The following MALRD1 variants were observed in gnomAD, a reference collection of about 807,000 sequenced individuals.
MALRD1 encodes MAM and LDL-receptor class A domain-containing protein 1.
MALRD1 carries 247 observed loss-of-function variants against 242.1 expected under a neutral mutation model. That is an observed-to-expected ratio of 1.02 (90% CI 0.92 to 1.13). The LOEUF (loss-of-function observed/expected upper bound fraction) is 1.13, where lower values mean the gene tolerates loss of function less well. MALRD1 is among the 50% of genes most tolerant of loss of function. The pLI is 0.00. For synonymous variants in MALRD1, 995 were observed against 866.6 expected (o/e 1.15, Z -2.60); for missense variants, 2,989 against 2,533.1 (o/e 1.18, Z -3.86).
chr10:19,565,692 G>T (rs16919057), intron 32 of MALRD1, among the ~76,000 whole-genome samples: 6,435 of 152,188 alleles, frequency 0.042, 446 homozygotes, highest in African/African-American at 0.15. Context: ...GAGTGCTTAC[G>T]TGTCAGACTG....
chr10:19,226,312 G>A (rs1837798116), intron 18 of MALRD1, among the ~76,000 whole-genome samples: 1 of 151,968 alleles, frequency 6.6e-6, no homozygotes, highest in African/African-American at 2.4e-5. Context: ...AGCAAACTGA[G>A]GATAGAAAAG....
intron 2 of MALRD1, among the ~76,000 whole-genome samples, chr10:19,078,696 T>C (rs1276651653): frequency 6.6e-6 from 1 of 151,904 alleles, no homozygotes; most frequent in Non-Finnish European, 1.5e-5. Flanking sequence ...TTTACTCTCT[T>C]GTTACAATCT....
intron 26 of MALRD1, among the ~76,000 whole-genome samples, chr10:19,362,208 A>G (rs1315073674): frequency 6.6e-6 from 1 of 152,116 alleles, no homozygotes; most frequent in Non-Finnish European, 1.5e-5. Flanking sequence ...AGTGTATCCA[A>G]TTTACTCCTA....
At chr10:19,282,133 A>G (rs1217415420) in intron 20 of MALRD1, among the ~76,000 whole-genome samples, 2 of 152,166 alleles carry the variant, frequency 1.3e-5, no homozygotes, top group Non-Finnish European at 2.9e-5. Flanking sequence ...TTCTATTAAA[A>G]GCCTACAAAT....
chr10:19,597,668 G>A (rs1236042953), intron 34 of MALRD1, among the ~76,000 whole-genome samples: 1 of 152,182 alleles, frequency 6.6e-6, no homozygotes, highest in African/African-American at 2.4e-5. Flanking sequence ...ATATGACACT[G>A]TCAGAGCTCA....
intron 18 of MALRD1, among the ~76,000 whole-genome samples, chr10:19,230,576 G>A (rs1177792162): frequency 6.6e-6 from 1 of 152,138 alleles, no homozygotes; most frequent in African/African-American, 2.4e-5. Context: ...CATTCAGGAG[G>A]CATCTGTCTC....
intron 11 of MALRD1, among the ~76,000 whole-genome samples, chr10:19,153,229 C>A (rs1834005920): frequency 6.6e-6 from 1 of 152,144 alleles, no homozygotes; most frequent in African/African-American, 2.4e-5. Context: ...TATTCGACAT[C>A]ATTTTAATTA....
chr10:19,361,204 G>A (rs1321677021), intron 26 of MALRD1, among the ~76,000 whole-genome samples: 3 of 152,106 alleles, frequency 2.0e-5, no homozygotes, highest in Non-Finnish European at 1.5e-5. Flanking sequence ...TTTTGCCAAT[G>A]GAATGTGAAC....
In MALRD1 at chr10:19,280,163, A is replaced by G. The variant is rs879117681; in HGVS notation, c.3196A>G (p.Lys1066Glu). The change falls in exon 20 of 40, where the codon AAA (lysine) becomes GAA (glutamate). Residue 1066 changes from lysine to glutamate, a missense_variant. By Grantham distance (56) the Lys-to-Glu change is moderately conservative. Transcript: ENST00000454679. ...ICRSDGHCIE[K>E]MQKCDFKYDC... ...CAGGTCTGATGGTCACTGCATTGAA[A>G]AAATGCAGAAATGTGATTTTAAATA... 4 of 1,544,352 alleles carry G rather than the reference A, an allele frequency of 2.6e-6. No individual in the cohort carries two copies. Among genetic ancestry groups the G allele is most frequent in the Non-Finnish European group, 3.5e-6 (4 of 1,144,968 alleles).
In MALRD1 at chr10:19,331,520, A is replaced by C. The variant is rs1465113210; in HGVS notation, c.3839A>C (p.Asp1280Ala). The C allele has an allele frequency of 5.2e-6, 8 of 1,550,224 alleles. No homozygotes were observed. The Admixed American group carries it at 1.2e-4, about 23-fold the overall frequency. The change falls in exon 24 of 40, where the codon GAC becomes GCC. Residue 1280 changes from aspartate to alanine, a missense_variant. By Grantham distance (126) the Asp-to-Ala change is moderately radical (BLOSUM62 -2). Transcript: ENST00000454679. Reference protein sequence around the residue: ...MCANKHCIAKDKLCDFVNDCA... With the variant: ...MCANKHCIAKAKLCDFVNDCA... ...GCTAATAAGCACTGCATTGCCAAAGACAAGCTGTGTGATTTTGTGAATGAT... is the reference window on the plus strand; with the variant it reads ...GCTAATAAGCACTGCATTGCCAAAGCCAAGCTGTGTGATTTTGTGAATGAT...
intron 30 of MALRD1, among the ~76,000 whole-genome samples, chr10:19,493,900 G>A (rs1455426289): frequency 6.6e-6 from 1 of 152,210 alleles, no homozygotes; most frequent in East Asian, 1.9e-4. Flanking sequence ...ACTCTAAAAC[G>A]TGTGAAATCA....
chr10:19,404,993 T>C (rs972911069), intron 28 of MALRD1, among the ~76,000 whole-genome samples: 3 of 152,168 alleles, frequency 2.0e-5, no homozygotes, highest in Non-Finnish European at 4.4e-5. Context: ...CCTTTGTATA[T>C]TCATGAAGAG....
intron 13 of MALRD1, among the ~76,000 whole-genome samples, chr10:19,171,928 G>A (rs1473423677): frequency 8.3e-6 from 1 of 121,196 alleles, no homozygotes; most frequent in East Asian, 2.2e-4. Context: ...ATACATATAT[G>A]TGATATATAT....
At chr10:19,187,447 A>G (rs1401485918) in intron 14 of MALRD1, among the ~76,000 whole-genome samples, 2 of 152,226 alleles carry the variant, frequency 1.3e-5, no homozygotes, top group African/African-American at 4.8e-5. Flanking sequence ...ATATCTCAAA[A>G]GAAAAGAAAG....
At chr10:19,257,170 G>A (rs1037255665) in intron 18 of MALRD1, among the ~76,000 whole-genome samples, 2 of 152,032 alleles carry the variant, frequency 1.3e-5, no homozygotes, top group Non-Finnish European at 2.9e-5. Context: ...ATCACGATTA[G>A]CCAATTTCAT....
chr10:19,265,469 G>T (rs189968038), intron 19 of MALRD1, among the ~76,000 whole-genome samples: 1 of 151,668 alleles, frequency 6.6e-6, no homozygotes, highest in East Asian at 1.9e-4. Context: ...ATTTTGATTT[G>T]TTCTTTGACC....
intron 21 of MALRD1, among the ~76,000 whole-genome samples, chr10:19,299,625 C>T (rs1564541610): frequency 6.6e-6 from 1 of 152,010 alleles, no homozygotes; most frequent in Non-Finnish European, 1.5e-5. Context: ...CCAAAACCTA[C>T]ATGATTATCT....
rs199895436 is a variant in MALRD1, at chr10:19,515,081, CA to C, written c.5321-16102del. 5.3e-3 allele frequency among the ~76,000 whole-genome samples: 769 copies of C among 144,236 alleles called. 3 individuals are homozygous for C. The highest frequency in any genetic ancestry group is 8.8e-3 in the African/African-American group (354 of 40,360). 94.6% of individuals were successfully genotyped at this position (144,236 alleles called of 152,430 possible). A position where few individuals can be genotyped will look rare whatever the true frequency, so the allele number is the denominator to read the frequency against. On this transcript the variant is annotated intron_variant, in intron 31 of 39. Coordinates refer to ENST00000454679, the MANE Select transcript of MALRD1 (RefSeq NM_001142308.3). ...AACAGCCATTTCTTATGCTTTAGGA[CA>C]AAAAAAAAAATCTTTTTTACTTAAC...
intron 29 of MALRD1, among the ~76,000 whole-genome samples, chr10:19,483,565 G>A (rs992888256): frequency 6.6e-6 from 1 of 152,138 alleles, no homozygotes; most frequent in Non-Finnish European, 1.5e-5. Context: ...AGTCTTCAGA[G>A]AAATGCAAAT....
Sources: gnomAD v4.1 joint callset for allele counts (sites outside exome capture counted in the v4.1 genomes callset) on GRCh38, gnomAD v4.1.1 for gene constraint, MANE v1.5 for transcripts, NCBI Gene and HGNC (gene_info 2026-07-23, HGNC 2026-07-21) for gene names.